The following EVI5 variants were observed in gnomAD, a reference collection of about 807,000 sequenced individuals.
EVI5 encodes ecotropic viral integration site 5 protein homolog.
Under a neutral mutation model 112.0 loss-of-function variants are expected in EVI5, and 73 were observed. That is an observed-to-expected ratio of 0.65 (90% CI 0.54 to 0.79). The LOEUF is 0.79. Among genes scored for constraint, EVI5 ranks in the 30% least tolerant of loss-of-function variants. EVI5 has a pLI of 0.00. For missense variants in EVI5, 900 were observed against 968.8 expected, an observed-to-expected ratio of 0.93 and a Z score of 0.94; for synonymous variants, 305 against 319.9, an observed-to-expected ratio of 0.95 and a Z score of 0.50.
chr1:92,550,711 C>T (rs1666660959), intron 19 of EVI5, among the ~76,000 whole-genome samples: 1 of 111,974 alleles, frequency 8.9e-6, no homozygotes, highest in Non-Finnish European at 1.7e-5. Flanking sequence ...CTGGCCACTG[C>T]ACTCCAGCCT....
At chr1:92,680,773 CAG>C (rs1667460798) in intron 9 of EVI5, among the ~76,000 whole-genome samples, 2 of 152,060 alleles carry the variant, frequency 1.3e-5, no homozygotes, top group South Asian at 4.1e-4. Context: ...GATATAATAT[CAG>C]GGGTATACCT....
At chr1:92,531,088 C>T (rs549237734) in intron 19 of EVI5, among the ~76,000 whole-genome samples, 1 of 151,980 alleles carries the variant, frequency 6.6e-6, no homozygotes, top group East Asian at 2.0e-4. Context: ...TAGAGAAGAA[C>T]ATAAATTACC....
intron 10 of EVI5, among the ~76,000 whole-genome samples, chr1:92,667,255 T>A (rs768823200): frequency 1.6e-4 from 24 of 151,814 alleles, no homozygotes; most frequent in Non-Finnish European, 3.1e-4. Flanking sequence ...CAGCATTCCA[T>A]CCTGGGCAAC....
chr1:92,552,410 ACT>A (rs1168132362), intron 19 of EVI5, among the ~76,000 whole-genome samples: 1 of 152,102 alleles, frequency 6.6e-6, no homozygotes, highest in African/African-American at 2.4e-5. Flanking sequence ...ACTATTAAAT[ACT>A]CTCTATCAGT....
intron 1 of EVI5, among the ~76,000 whole-genome samples, chr1:92,744,498 TTTATCA>T (rs566027278): frequency 2.1e-4 from 32 of 152,132 alleles, no homozygotes; most frequent in Non-Finnish European, 3.8e-4. Flanking sequence ...AACGGACCCA[TTTATCA>T]TTATGTAATG....
upstream of EVI5, chr1:92,785,170 A>G: frequency 1.1e-6 from 1 of 944,602 alleles, no homozygotes; most frequent in Middle Eastern, 5.5e-4. Context: ...AATGGGTTGG[A>G]GCAGGTTAGG....
intron 18 of EVI5, among the ~76,000 whole-genome samples, chr1:92,579,251 C>T (rs1000855908): frequency 2.6e-5 from 4 of 152,134 alleles, no homozygotes; most frequent in Admixed American, 2.0e-4. Flanking sequence ...AAACCATTCC[C>T]TTCCCTAGTC....
intron 19 of EVI5, among the ~76,000 whole-genome samples, chr1:92,523,617 T>C (rs1258008977): frequency 1.3e-5 from 2 of 152,204 alleles, no homozygotes; most frequent in African/African-American, 4.8e-5. Flanking sequence ...TTCATTAGAT[T>C]TGCTATCTTC....
intron 2 of EVI5, among the ~76,000 whole-genome samples, chr1:92,722,439 A>T (rs375179438): frequency 1.3e-5 from 2 of 150,296 alleles, no homozygotes; most frequent in Non-Finnish European, 3.0e-5. Context: ...AGCATTAGGT[A>T]TATCTCCTAA....
intron 1 of EVI5, among the ~76,000 whole-genome samples, chr1:92,779,517 C>CAA (rs200753556): frequency 8.4e-5 from 10 of 118,682 alleles, no homozygotes; most frequent in Non-Finnish European, 1.1e-4. Flanking sequence ...GACTCCGTCT[C>CAA]AAAAAAAAAA....
intron 1 of EVI5, among the ~76,000 whole-genome samples, chr1:92,772,861 G>A (rs1309501168): frequency 6.9e-6 from 1 of 144,052 alleles, no homozygotes; most frequent in Non-Finnish European, 1.5e-5. Flanking sequence ...AGCCGAGATT[G>A]CACCATTGCA....
chr1:92,704,932 T>C (rs912110630), intron 2 of EVI5, among the ~76,000 whole-genome samples, 188 bp from the exon 3 acceptor site: 5 of 151,868 alleles, frequency 3.3e-5, no homozygotes, highest in African/African-American at 1.2e-4. Context: ...TCACCTATTA[T>C]AGCAGTTTGA....
intron 16 of EVI5, 71 bp downstream of exon 16, chr1:92,624,105 G>A (rs1274268743): frequency 7.6e-7 from 1 of 1,322,310 alleles, no homozygotes; most frequent in Non-Finnish European, 1.1e-6. Flanking sequence ...TTCTAGGGAT[G>A]ATACAATCTG....
chr1:92,684,974 C>T (rs1248544339), intron 9 of EVI5, among the ~76,000 whole-genome samples: 1 of 152,032 alleles, frequency 6.6e-6, no homozygotes, highest in African/African-American at 2.4e-5. Context: ...TAACACCCCA[C>T]TGTCAATACT....
intron 2 of EVI5, chr1:92,713,969 A>C: frequency 1.1e-6 from 1 of 932,306 alleles, no homozygotes; most frequent in Non-Finnish European, 1.3e-6. Flanking sequence ...CTTAATTAAA[A>C]TGCAATCCTA....
rs1659228470 is a variant in EVI5 at position 92,512,189 on chromosome 1, ATTC to A, written c.*1464_*1466del. 1 of 152,610 alleles carries A rather than the reference ATTC, an allele frequency of 6.6e-6. No individual in the cohort carries two copies. The highest frequency in any genetic ancestry group is 6.5e-5 in the Admixed American group (1 of 15,278). The allele number at this position is 152,610 out of a possible 1,614,324, so 9.5% of individuals were successfully genotyped here. On this transcript the variant is annotated 3_prime_UTR_variant, in exon 20 of 20. Coordinates refer to ENST00000684568, the MANE Select transcript of EVI5 (RefSeq NM_001350197.2). ...ATATAGGAAAAACTGGTAGGAAAGG[ATTC>A]TTATGGCTTTATCTATAGAACAAAA...
chr1:92,685,545 C>T (rs921670115), intron 9 of EVI5, among the ~76,000 whole-genome samples: 1 of 152,098 alleles, frequency 6.6e-6, no homozygotes, highest in Non-Finnish European at 1.5e-5. Context: ...CAAGAAATAA[C>T]TAAGATCAGA....
At chr1:92,611,026 A>C (rs1362542707) in intron 16 of EVI5, among the ~76,000 whole-genome samples, 1 of 152,072 alleles carries the variant, frequency 6.6e-6, no homozygotes, top group Non-Finnish European at 1.5e-5. Context: ...GCAGCGCACC[A>C]GCATGGCACA....
chr1:92,785,203 AAGG>A (rs1685484687), upstream of EVI5: 4 of 642,666 alleles, frequency 6.2e-6, no homozygotes, highest in Non-Finnish European at 7.7e-6. Flanking sequence ...CGGCCGAGAA[AAGG>A]AGAAGGCGAA....
Sources: allele counts gnomAD v4.1 joint callset (sites outside exome capture counted in the v4.1 genomes callset), GRCh38; gene constraint gnomAD v4.1.1; transcripts MANE v1.5; gene names NCBI Gene and HGNC (gene_info 2026-07-23, HGNC 2026-07-21).